CHN2: variants seen among roughly 807,000 people sequenced by gnomAD.
CHN2 encodes the protein chimerin 2.
A neutral mutation model predicts 56.3 loss-of-function variants in CHN2; 35 were observed. That is an observed-to-expected ratio of 0.62 (90% CI 0.47 to 0.82). The LOEUF (loss-of-function observed/expected upper bound fraction) is 0.82, where lower values mean the gene tolerates loss of function less well. Ranked by LOEUF, CHN2 falls within the 40% of genes least tolerant of loss-of-function variation. The pLI is 0.00. For synonymous variants in CHN2, 210 were observed against 212.8 expected, an observed-to-expected ratio of 0.99 and a Z score of 0.12; for missense variants, 491 against 580.5, an observed-to-expected ratio of 0.85 and a Z score of 1.58.
chr7:29,477,908 T>A (rs1344199161), intron 6 of CHN2, among the ~76,000 whole-genome samples: 1 of 152,228 alleles, frequency 6.6e-6, no homozygotes, highest in Non-Finnish European at 1.5e-5. Context: ...ATTTATTCAG[T>A]GTCTACTGTG....
chr7:29,375,759 A>G (rs1800029948), intron 3 of CHN2, among the ~76,000 whole-genome samples: 2 of 152,078 alleles, frequency 1.3e-5, no homozygotes, highest in African/African-American at 2.4e-5. Flanking sequence ...CTTTTGTAAC[A>G]CCAACCTTAC....
In CHN2 at chr7:29,514,017, A is replaced by T. The variant is rs11536448; in HGVS notation, c.*1282A>T. On this transcript the variant is annotated 3_prime_UTR_variant, in exon 13 of 13. Transcript: ENST00000222792. ...TGATTGAGATGATTTGTGTAAACTC[A>T]CCAGTCTTGCTTTGGAGTGAGCAGA... 4,387 of 152,698 alleles carry T rather than the reference A, an allele frequency of 0.029. 214 individuals carry two copies. The highest frequency in any genetic ancestry group is 0.19 in the East Asian group (960 of 5,174). 9.5% of individuals were successfully genotyped at this position (152,698 alleles called of 1,614,324 possible). A position where few individuals can be genotyped will look rare whatever the true frequency, so the allele number is the denominator to read the frequency against.
intron 1 of CHN2, among the ~76,000 whole-genome samples, chr7:29,277,246 G>C (rs1317898590): frequency 2.0e-5 from 3 of 152,184 alleles, no homozygotes; most frequent in African/African-American, 7.2e-5. Context: ...GTAATTGAAT[G>C]GTCAAGGCAT....
intron 1 of CHN2, among the ~76,000 whole-genome samples, chr7:29,243,074 A>T (rs1409409890): frequency 1.3e-5 from 2 of 152,084 alleles, no homozygotes; most frequent in Non-Finnish European, 2.9e-5. Context: ...GTTTTCTGTG[A>T]GCTGGGTTAG....
chr7:29,286,861 G>T (rs565546663), intron 1 of CHN2, among the ~76,000 whole-genome samples: 44 of 152,028 alleles, frequency 2.9e-4, no homozygotes, highest in Non-Finnish European at 6.0e-4. Flanking sequence ...TTATATAAAC[G>T]TGAAAGTTGC....
At chr7:29,322,889 G>A (rs1391488807) in intron 1 of CHN2, among the ~76,000 whole-genome samples, 5 of 152,156 alleles carry the variant, frequency 3.3e-5, no homozygotes, top group African/African-American at 1.2e-4. Context: ...GTGGCTGGGT[G>A]CGGTGGCTCA....
intron 6 of CHN2, among the ~76,000 whole-genome samples, chr7:29,435,407 G>A (rs1225191725): frequency 1.3e-5 from 2 of 152,176 alleles, no homozygotes; most frequent in Non-Finnish European, 2.9e-5. Flanking sequence ...ATTCTGAGAA[G>A]TGTGTCATTA....
intron 1 of CHN2, among the ~76,000 whole-genome samples, chr7:29,220,278 A>AGAGAG (rs1554366761): frequency 1.6e-4 from 6 of 37,752 alleles, no homozygotes; most frequent in African/African-American, 3.0e-4. Context: ...TTAAAAAAAA[A>AGAGAG]AAAGAGAGAG....
chr7:29,187,770 G>A (rs768445192), intron 2 of CHN2, among the ~76,000 whole-genome samples: 1 of 152,022 alleles, frequency 6.6e-6, no homozygotes, highest in East Asian at 1.9e-4. Context: ...CTGATGTATT[G>A]TCAACATCCA....
At chr7:29,379,479 C>A (rs2057737) in intron 3 of CHN2, among the ~76,000 whole-genome samples, 1,977 of 152,186 alleles carry the variant, frequency 0.013, 47 homozygotes, top group African/African-American at 0.045. Flanking sequence ...GCTACATCTG[C>A]AGTTAACTCT....
At chr7:29,193,439 A>T (rs1167721973), upstream of CHN2, 1 of 152,182 alleles carries the variant, frequency 6.6e-6, no homozygotes, top group Non-Finnish European at 1.5e-5. Flanking sequence ...ACCATGTTTT[A>T]AAAAGTTGAA....
chr7:29,255,652 G>A (rs1789012707), intron 1 of CHN2, among the ~76,000 whole-genome samples: 2 of 152,202 alleles, frequency 1.3e-5, no homozygotes, highest in African/African-American at 4.8e-5. Flanking sequence ...CAGCCAAGAC[G>A]GCAAGCTGGG....
At chr7:29,239,642 C>G (rs538019380) in intron 1 of CHN2, among the ~76,000 whole-genome samples, 43 of 152,354 alleles carry the variant, frequency 2.8e-4, no homozygotes, top group African/African-American at 1.0e-3. Flanking sequence ...ACAAAAAGCT[C>G]TTGTCCCATT....
intron 6 of CHN2, among the ~76,000 whole-genome samples, chr7:29,440,758 G>T (rs1475514244): frequency 6.6e-6 from 1 of 150,962 alleles, no homozygotes; most frequent in Non-Finnish European, 1.5e-5. Context: ...CAGTGCAAAG[G>T]ACTGCTAATC....
intron 1 of CHN2, among the ~76,000 whole-genome samples, chr7:29,348,094 C>G (rs1261061709): frequency 6.6e-6 from 1 of 151,986 alleles, no homozygotes; most frequent in Non-Finnish European, 1.5e-5. Flanking sequence ...CTTTAAAGTT[C>G]AGTAAAAACA....
At chr7:29,281,974 C>A (rs1438208572) in intron 1 of CHN2, among the ~76,000 whole-genome samples, 1 of 152,204 alleles carries the variant, frequency 6.6e-6, no homozygotes, top group South Asian at 2.1e-4. Flanking sequence ...GGACTCCCTC[C>A]CGCCTCCTCC....
chr7:29,279,478 T>A (rs1791505245), intron 1 of CHN2, among the ~76,000 whole-genome samples: 1 of 152,282 alleles, frequency 6.6e-6, no homozygotes, highest in African/African-American at 2.4e-5. Flanking sequence ...CCTGAATTTG[T>A]TCCACATGTT....
At chr7:29,256,263 C>T (rs1158175943) in intron 1 of CHN2, among the ~76,000 whole-genome samples, 1 of 152,180 alleles carries the variant, frequency 6.6e-6, no homozygotes, top group Non-Finnish European at 1.5e-5. Flanking sequence ...CAGATAACTT[C>T]TCAGTCTATT....
At chr7:29,146,868 G>C (rs753043260) in exon 2 of CHN2, 71 of 1,551,054 alleles carry the variant, frequency 4.6e-5, no homozygotes, top group Non-Finnish European at 5.4e-5. Context: ...GCAAGCCCAG[G>C]ATTTACATTT....
Sources: gnomAD v4.1 joint callset for allele counts (sites outside exome capture counted in the v4.1 genomes callset) on GRCh38, gnomAD v4.1.1 for gene constraint, MANE v1.5 for transcripts, NCBI Gene and HGNC (gene_info 2026-07-23, HGNC 2026-07-21) for gene names.